AGBL4: variants seen among roughly 807,000 people sequenced by gnomAD.
The protein encoded by AGBL4 is AGBL carboxypeptidase 4.
A neutral mutation model predicts 66.4 loss-of-function variants in AGBL4; 58 were observed. That is an observed-to-expected ratio of 0.87 (90% CI 0.71 to 1.09). The LOEUF is 1.09. Among genes scored for constraint, AGBL4 ranks in the 50% least tolerant of loss-of-function variants. AGBL4 has a pLI of 0.00. For missense variants in AGBL4, 579 were observed against 631.0 expected (o/e 0.92, Z 0.88); for synonymous variants, 234 against 222.9 (o/e 1.05, Z -0.44).
rs527282037 is a variant in AGBL4, at chr1:48,621,264, G to T, written c.951+13229C>A. Among the ~76,000 whole-genome samples, 32 of 152,250 alleles carry T rather than the reference G, an allele frequency of 2.1e-4. No individual in the cohort carries two copies. The South Asian group carries it at 3.3e-3, about 16-fold the overall frequency. On this transcript the variant is annotated intron_variant, in intron 9 of 13. Coordinates refer to ENST00000371839, the MANE Select transcript of AGBL4 (RefSeq NM_032785.4). ...AGATGGAAAGAGAGATAGAAGGATG[G>T]CTGGTTAGACAGACGAGTGGATAGA...
chr1:49,650,656 G>T (rs1346313150), intron 3 of AGBL4, among the ~76,000 whole-genome samples: 1 of 152,148 alleles, frequency 6.6e-6, no homozygotes, highest in Non-Finnish European at 1.5e-5. Context: ...TCTGACTTTG[G>T]CAACTACAGG....
rs939534669 is a variant in AGBL4 at position 49,469,443 on chromosome 1, C to T, written c.283-223579G>A. Among the ~76,000 whole-genome samples the T allele has an allele frequency of 1.2e-4, 18 of 151,804 alleles. No homozygotes were observed. The South Asian group carries it at 2.1e-3, about 18-fold the overall frequency. ...AAGAGATTGGGCCAACTAAGATTAT[C>T]TCTGAGCTTAAAGCTTTAGGGATTC... On this transcript the variant is annotated intron_variant, in intron 3 of 13. Coordinates refer to ENST00000371839, the MANE Select transcript of AGBL4 (RefSeq NM_032785.4).
chr1:49,245,297 A>ACAC (rs1651554100), intron 4 of AGBL4, among the ~76,000 whole-genome samples: 8 of 145,388 alleles, frequency 5.5e-5, no homozygotes, highest in African/African-American at 1.5e-4. Flanking sequence ...CACACACACA[A>ACAC]AACACAAAAA....
chr1:49,314,353 G>C (rs1409510659), intron 3 of AGBL4, among the ~76,000 whole-genome samples: 1 of 151,938 alleles, frequency 6.6e-6, no homozygotes, highest in African/African-American at 2.4e-5. Context: ...ATCTACATTA[G>C]GTATTTCTCC....
intron 1 of AGBL4, among the ~76,000 whole-genome samples, chr1:49,914,122 C>T (rs924851721): frequency 4.6e-5 from 7 of 152,204 alleles, no homozygotes; most frequent in African/African-American, 1.7e-4. Flanking sequence ...CTAAAGACTC[C>T]TTATCATTCT....
At chr1:48,838,323 T>C (rs1646728796) in intron 6 of AGBL4, among the ~76,000 whole-genome samples, 1 of 152,142 alleles carries the variant, frequency 6.6e-6, no homozygotes, top group African/African-American at 2.4e-5. Context: ...AACAGCATGA[T>C]ACTAGCATAA....
At chr1:49,245,677 T>A in intron 4 of AGBL4, 93 bp downstream of exon 4, 1 of 835,982 alleles carries the variant, frequency 1.2e-6, no homozygotes, top group Non-Finnish European at 1.8e-6. Flanking sequence ...TATTTTTAAT[T>A]TTTTTTGGGG....
chr1:49,516,159 G>A (rs765340353), intron 3 of AGBL4, among the ~76,000 whole-genome samples: 10 of 151,846 alleles, frequency 6.6e-5, no homozygotes, highest in Non-Finnish European at 1.2e-4. Flanking sequence ...TAGCCCTGAT[G>A]CTGGGATACA....
chr1:49,972,959 T>C (rs1241601842), intron 1 of AGBL4, among the ~76,000 whole-genome samples: 1 of 152,162 alleles, frequency 6.6e-6, no homozygotes, highest in Non-Finnish European at 1.5e-5. Context: ...TTATCTCCAT[T>C]TTTTAGAGGA....
At chr1:48,541,853 T>A (rs542058306) in intron 11 of AGBL4, among the ~76,000 whole-genome samples, 4 of 152,290 alleles carry the variant, frequency 2.6e-5, no homozygotes, top group South Asian at 2.1e-4. Context: ...TCTTTTTTTT[T>A]ATATATACTT....
chr1:49,141,324 G>A (rs1396388344), intron 4 of AGBL4, among the ~76,000 whole-genome samples: 1 of 152,088 alleles, frequency 6.6e-6, no homozygotes, highest in Non-Finnish European at 1.5e-5. Flanking sequence ...AAGTCTAGGT[G>A]TAAATCAGGT....
chr1:49,833,393 G>A (rs966883019), intron 2 of AGBL4, among the ~76,000 whole-genome samples: 122 of 152,214 alleles, frequency 8.0e-4, no homozygotes, highest in African/African-American at 2.9e-3. Context: ...TTTGGTTACT[G>A]TAGCCTTGTA....
intron 5 of AGBL4, among the ~76,000 whole-genome samples, chr1:48,906,242 T>G (rs1368170787): frequency 1.3e-5 from 2 of 152,188 alleles, no homozygotes; most frequent in African/African-American, 2.4e-5. Flanking sequence ...TGTTCACCCA[T>G]GAAAACAAAC....
chr1:49,647,196 A>C (rs1645906866), intron 3 of AGBL4, among the ~76,000 whole-genome samples: 1 of 152,136 alleles, frequency 6.6e-6, no homozygotes, highest in South Asian at 2.1e-4. Context: ...AAAATTAAGA[A>C]TGAAATGACA....
At chr1:49,754,660 G>T (rs1382798394) in intron 2 of AGBL4, among the ~76,000 whole-genome samples, 2 of 152,186 alleles carry the variant, frequency 1.3e-5, no homozygotes, top group Non-Finnish European at 2.9e-5. Flanking sequence ...CATTCAGAAG[G>T]TACAGGGGTC....
chr1:49,556,878 C>T (rs766380467), intron 3 of AGBL4, among the ~76,000 whole-genome samples: 1 of 152,042 alleles, frequency 6.6e-6, no homozygotes, highest in African/African-American at 2.4e-5. Context: ...GACGAGAATT[C>T]AAGCGCGGCG....
At chr1:49,210,567 G>A (rs535847735) in intron 4 of AGBL4, among the ~76,000 whole-genome samples, 108 of 152,082 alleles carry the variant, frequency 7.1e-4, no homozygotes, top group African/African-American at 2.6e-3. Flanking sequence ...GTAATCTCAG[G>A]AGGCCTTATT....
At chr1:49,400,127 T>C (rs1050705615) in intron 3 of AGBL4, among the ~76,000 whole-genome samples, 4 of 152,290 alleles carry the variant, frequency 2.6e-5, no homozygotes, top group African/African-American at 7.2e-5. Context: ...ACACCACTTA[T>C]TGAAGAGACT....
At chr1:49,577,831 A>AAT (rs1201381181) in intron 3 of AGBL4, among the ~76,000 whole-genome samples, 4 of 152,220 alleles carry the variant, frequency 2.6e-5, no homozygotes, top group Non-Finnish European at 5.9e-5. Flanking sequence ...ACTAGGTTAC[A>AAT]ATACTTTGCA....
Sources: allele counts gnomAD v4.1 joint callset (sites outside exome capture counted in the v4.1 genomes callset), GRCh38; gene constraint gnomAD v4.1.1; transcripts MANE v1.5; gene names NCBI Gene and HGNC (gene_info 2026-07-23, HGNC 2026-07-21).